LILRA1: variants seen among roughly 807,000 people sequenced by gnomAD.
LILRA1 encodes leukocyte immunoglobulin-like receptor subfamily A member 1.
Under a neutral mutation model 51.6 loss-of-function variants are expected in LILRA1, and 51 were observed. The ratio of observed to expected loss-of-function variants is 0.99; its 90% CI spans 0.79 to 1.25. LILRA1 has a LOEUF of 1.25. LILRA1 is among the 50% of genes most tolerant of loss of function. The pLI is 0.00. For missense variants in LILRA1, 660 were observed against 611.7 expected (o/e 1.08, Z -0.83); for synonymous variants, 305 against 248.4 (o/e 1.23, Z -2.14).
Position 54,595,775 on chromosome 19 carries a change from C to T in LILRA1, c.798C>T (p.Leu266=), listed in dbSNP as rs1180998685. 1.9e-6 allele frequency: 3 copies of T among 1,614,050 alleles called. No homozygotes were observed. The highest frequency in any genetic ancestry group is 2.7e-5 in the African/African-American group (2 of 74,908). The change falls in exon 6 of 10, where the codon CTC becomes CTT. Residue 266 remains leucine, a synonymous_variant. Transcript: ENST00000251372. ...VLYKEGERDF[L]QLPGPQPQAG... ...ATAAGGAGGGAGAACGTGACTTCCTCCAGCTCCCTGGCCCACAGCCCCAGG... is the reference window on the plus strand; with the variant it reads ...ATAAGGAGGGAGAACGTGACTTCCTTCAGCTCCCTGGCCCACAGCCCCAGG...
At chr19:54,597,530 C>T (rs2063084639) in intron 7 of LILRA1, among the ~76,000 whole-genome samples, 1 of 152,052 alleles carries the variant, frequency 6.6e-6, no homozygotes, top group African/African-American at 2.4e-5. Context: ...CCGACCTTGT[C>T]CTGCAGGATG....
At chr19:54,600,409 G>T in intron 8 of LILRA1, 103 bp from the exon 9 acceptor site, 1 of 1,116,896 alleles carries the variant, frequency 9.0e-7, no homozygotes, top group African/African-American at 1.6e-5. Flanking sequence ...GGTTTATTGA[G>T]GAACTCCCTA....
In LILRA1 at chr19:54,602,028, A is replaced by G. The variant is rs2063168707; in HGVS notation, c.*1211A>G. The G allele has an allele frequency of 6.6e-6, 1 of 152,250 alleles. No homozygotes were observed. Among genetic ancestry groups the G allele is most frequent in the Non-Finnish European group, 1.5e-5 (1 of 68,042 alleles). The allele number at this position is 152,250 out of a possible 1,614,324, so 9.4% of individuals were successfully genotyped here. A position where few individuals can be genotyped will look rare whatever the true frequency, so the allele number is the denominator to read the frequency against. On this transcript the variant is annotated 3_prime_UTR_variant, in exon 10 of 10. Coordinates refer to ENST00000251372, the MANE Select transcript of LILRA1 (RefSeq NM_006863.4). ...CTATTTGCCATCTACCCTCCAGAAT[A>G]AAGAAATCTTATCATTCACCATCTA... is the stretch of plus-strand genomic sequence containing the variant.
In LILRA1 at chr19:54,600,915, C is replaced by T; in HGVS notation, c.*98C>T. The T allele has an allele frequency of 1.5e-6, 2 of 1,329,160 alleles. No homozygotes were observed. Among genetic ancestry groups the T allele is most frequent in the Non-Finnish European group, 2.2e-6 (2 of 922,138 alleles). 82.3% of individuals were successfully genotyped at this position (1,329,160 alleles called of 1,614,324 possible). On this transcript the variant is annotated 3_prime_UTR_variant, in exon 10 of 10. Coordinates refer to ENST00000251372, the MANE Select transcript of LILRA1 (RefSeq NM_006863.4). ...GATGATGCCAGGAGGTTCCGGGAGA[C>T]AATTTAGGGCTGATGCTATCTGGAC...
At chr19:54,596,162 C>G in intron 6 of LILRA1, 27 bp from the exon 7 acceptor site, 1 of 1,605,062 alleles carries the variant, frequency 6.2e-7, no homozygotes, top group Non-Finnish European at 8.5e-7. Context: ...GGTGGGGCAG[C>G]CTCTCACCCA....
At chr19:54,594,561 C>A (rs976869424) in intron 3 of LILRA1, 85 bp downstream of exon 3, 113 of 1,612,934 alleles carry the variant, frequency 7.0e-5, no homozygotes, top group Middle Eastern at 1.7e-4. Context: ...TGGGGAATAG[C>A]AGTTCTGGAC....
chr19:54,596,576 G>A, intron 7 of LILRA1, 85 bp downstream of exon 7: 1 of 1,567,806 alleles, frequency 6.4e-7, no homozygotes, highest in Non-Finnish European at 8.7e-7. Context: ...ACTAAGAAAA[G>A]AGGGGAGTTG....
At chr19:54,596,614 T>G in intron 7 of LILRA1, 123 bp downstream of exon 7, 1 of 1,374,674 alleles carries the variant, frequency 7.3e-7, no homozygotes, top group African/African-American at 1.4e-5. Context: ...ACACCTGTAA[T>G]CCCAGCACTT....
intron 7 of LILRA1, 123 bp downstream of exon 7, chr19:54,596,614 T>A (rs2063064605): frequency 7.3e-7 from 1 of 1,374,550 alleles, no homozygotes; most frequent in African/African-American, 1.5e-5. Flanking sequence ...ACACCTGTAA[T>A]CCCAGCACTT....
chr19:54,595,727 C>T lies in LILRA1; in HGVS notation c.750C>T (p.Val250=), dbSNP rs868730505. The change falls in exon 6 of 10, where the codon GTC becomes GTT. Residue 250 remains valine, a synonymous_variant. Transcript: ENST00000251372. ...TGACCCTCCAGTGTGTTTCTGATGT[C>T]AGCTACGACAGATTTGTTCTGTATA... ...ESLTLQCVSD[V]SYDRFVLYKE... is the part of the protein sequence containing the mutation. 6.2e-7 allele frequency: 1 copy of T among 1,614,050 alleles called. No homozygotes were observed. The highest frequency in any genetic ancestry group is 2.2e-5 in the East Asian group (1 of 44,880).
Position 54,595,975 on chromosome 19 carries a change from G to T in LILRA1, c.958+40G>T, listed in dbSNP as rs143094571. 1.8e-3 allele frequency: 2,878 copies of T among 1,602,000 alleles called. 13 individuals carry two copies. In the African/African-American group the frequency reaches 0.034, roughly 19 times the overall value. On this transcript the variant is annotated intron_variant, in intron 6 of 9. Coordinates refer to ENST00000251372, the MANE Select transcript of LILRA1 (RefSeq NM_006863.4). ...GGGTTCAGTCAGGGACACAGGCTCCGCACAGGCCCTGCCAGGGGAGCCCAG... is the reference window on the plus strand; with the variant it reads ...GGGTTCAGTCAGGGACACAGGCTCCTCACAGGCCCTGCCAGGGGAGCCCAG...
rs1239915160 is a variant in LILRA1, at chr19:54,594,719, G to A, written c.125G>A (p.Gly42Glu). ...WAEPGSVITQ[G>E]SPVTLWCQGI... ...GAGCCAGGCTCTGTGATCACCCAGG[G>A]GAGTCCCGTGACCCTCTGGTGTCAG... The change falls in exon 4 of 10, where the codon GGG becomes GAG. Residue 42 changes from glycine to glutamate, a missense_variant. Gly to Glu is a moderately conservative substitution (Grantham distance 98). Transcript: ENST00000251372. The A allele has an allele frequency of 6.2e-7, 1 of 1,613,986 alleles. No homozygotes were observed. Among genetic ancestry groups the A allele is most frequent in the Non-Finnish European group, 8.5e-7 (1 of 1,179,912 alleles).
Position 54,600,498 on chromosome 19 carries a change from G to C in LILRA1, c.1313-14G>C. ...GGCTGGCTCAGGGCTCTTCCCCTCT[G>C]TTTTTATTCTCAGGAGCAGCTAACA... On this transcript the variant is annotated splice_polypyrimidine_tract_variant and intron_variant, in intron 8 of 9. Coordinates refer to ENST00000251372, the MANE Select transcript of LILRA1 (RefSeq NM_006863.4). 6.2e-7 allele frequency: 1 copy of C among 1,614,078 alleles called. No individual in the cohort carries two copies. The highest frequency in any genetic ancestry group is 1.7e-5 in the Admixed American group (1 of 60,016).
In LILRA1 at chr19:54,600,826, C is replaced by A; in HGVS notation, c.*9C>A. The A allele has an allele frequency of 6.2e-7, 1 of 1,613,670 alleles. No homozygotes were observed. Among genetic ancestry groups the A allele is most frequent in the Non-Finnish European group, 8.5e-7 (1 of 1,179,660 alleles). On this transcript the variant is annotated 3_prime_UTR_variant, in exon 10 of 10. Transcript: ENST00000251372. The stretch of plus-strand genomic sequence containing the variant: ...GCCAGAGAAGCCTCTGAGATGCAGC[C>A]GGGAGGTGAACAGCAGAGAGAAGAA...
At chr19:54,594,031 C>G (rs2062964042) in intron 1 of LILRA1, among the ~76,000 whole-genome samples, 166 bp from the exon 2 acceptor site, 1 of 152,006 alleles carries the variant, frequency 6.6e-6, no homozygotes, top group Non-Finnish European at 1.5e-5. Flanking sequence ...GTTCCTGCCC[C>G]CACCTCAGCT....
rs199724980 is a variant in LILRA1 at position 54,596,424 on chromosome 19, C to T, written c.1194C>T (p.Tyr398=). Residue 398 remains tyrosine (Y), a synonymous_variant, in exon 7 of 10, where the codon TAC becomes TAT. Coordinates refer to ENST00000251372, the MANE Select transcript of LILRA1 (RefSeq NM_006863.4). ...CCCACTCGGGGACCTACAGGTGCTA[C>T]GGCTCACTCAGCTCCAACCCCTACC... is the stretch of plus-strand genomic sequence containing the variant. ...TSAHSGTYRC[Y]GSLSSNPYLL... 615 of 1,614,154 alleles carry T rather than the reference C, an allele frequency of 3.8e-4. 4 individuals are homozygous for T. The highest frequency in any genetic ancestry group is 3.7e-3 in the South Asian group (338 of 91,082).
Position 54,594,768 on chromosome 19 carries a change from C to A in LILRA1, c.174C>A (p.Tyr58Ter), listed in dbSNP as rs150949431. 8 of 1,614,006 alleles carry A rather than the reference C, an allele frequency of 5.0e-6. No homozygotes were observed. The highest frequency in any genetic ancestry group is 6.8e-6 in the Non-Finnish European group (8 of 1,179,992). Reference protein sequence around the residue: ...WCQGILETQEYRLYREKKTAP... With the variant: ...WCQGILETQE ...AGGGGATCCTGGAGACCCAGGAGTA[C>A]CGTCTGTATAGAGAAAAGAAAACAG... Residue 58 changes from tyrosine (Y) to a stop codon, truncating the protein, a stop_gained, in exon 4 of 10, where the codon TAC (tyrosine) becomes TAA (stop). Transcript: ENST00000251372. LOFTEE classifies it high-confidence loss of function.
At chr19:54,598,904 T>G (rs1374540642) in intron 7 of LILRA1, among the ~76,000 whole-genome samples, 1 of 152,178 alleles carries the variant, frequency 6.6e-6, no homozygotes, top group African/African-American at 2.4e-5. Flanking sequence ...CAAGCAATTC[T>G]CCTGCCTCAG....
chr19:54,595,495 G>A (rs1316175766), intron 5 of LILRA1, 93 bp downstream of exon 5: 1 of 1,542,092 alleles, frequency 6.5e-7, no homozygotes, highest in East Asian at 2.3e-5. Context: ...AGCTCCAGGT[G>A]GGATGATGTT....
Sources: allele counts gnomAD v4.1 joint callset (sites outside exome capture counted in the v4.1 genomes callset), GRCh38; gene constraint gnomAD v4.1.1; transcripts MANE v1.5; gene names NCBI Gene and HGNC (gene_info 2026-07-23, HGNC 2026-07-21).